DISC1: variants seen among roughly 807,000 people sequenced by gnomAD.
DISC1 encodes disrupted in schizophrenia 1 protein.
DISC1 carries 57 observed loss-of-function variants against 84.5 expected under a neutral mutation model. The observed-to-expected ratio is 0.67, with a 90% confidence interval of 0.55 to 0.84. The LOEUF is 0.84. Ranked by LOEUF, DISC1 falls within the 40% of genes least tolerant of loss-of-function variation. The probability of loss-of-function intolerance (pLI) is 0.00; values close to 1 mark genes in which losing one functional copy is unlikely to be tolerated. For missense variants in DISC1, 1,000 were observed against 1,057.8 expected (o/e 0.95, Z 0.76); for synonymous variants, 411 against 415.2 (o/e 0.99, Z 0.12).
At chr1:231,795,718 G>A (rs566858337) in intron 7 of DISC1, among the ~76,000 whole-genome samples, 11 of 152,196 alleles carry the variant, frequency 7.2e-5, no homozygotes, top group South Asian at 2.1e-4. Context: ...GTGAAACCCC[G>A]TCTCTCCTGA....
chr1:231,992,059 A>G (rs1463254109), intron 10 of DISC1, among the ~76,000 whole-genome samples: 3 of 152,172 alleles, frequency 2.0e-5, no homozygotes, highest in Non-Finnish European at 4.4e-5. Flanking sequence ...CTCATGCTGC[A>G]ATGATCATCC....
At chr1:232,000,418 A>G (rs1666537070) in intron 10 of DISC1, among the ~76,000 whole-genome samples, 1 of 152,196 alleles carries the variant, frequency 6.6e-6, no homozygotes, top group Non-Finnish European at 1.5e-5. Context: ...GAAACAATGG[A>G]CTGAAAAAAA....
intron 9 of DISC1, among the ~76,000 whole-genome samples, chr1:231,844,379 T>A (rs900582473): frequency 2.0e-5 from 3 of 152,156 alleles, no homozygotes; most frequent in African/African-American, 7.2e-5. Context: ...GGACAAGGTA[T>A]GGGGGTGGCG....
intron 9 of DISC1, among the ~76,000 whole-genome samples, chr1:231,942,948 C>G (rs1398573946): frequency 1.3e-5 from 2 of 152,164 alleles, no homozygotes; most frequent in African/African-American, 2.4e-5. Context: ...GAAATTCAGC[C>G]CCTTCATAAT....
chr1:231,707,812 C>T (rs1245534979), intron 3 of DISC1, among the ~76,000 whole-genome samples: 1 of 152,114 alleles, frequency 6.6e-6, no homozygotes, highest in Non-Finnish European at 1.5e-5. Context: ...GTTGAAATCT[C>T]CCAAAATTAA....
chr1:231,973,366 A>T (rs1275844753), intron 10 of DISC1, among the ~76,000 whole-genome samples: 1 of 152,156 alleles, frequency 6.6e-6, no homozygotes. Context: ...TGTTCTTTAA[A>T]GGAAGAATAA....
At chr1:231,785,341 G>A (rs2077769388) in intron 6 of DISC1, among the ~76,000 whole-genome samples, 1 of 151,548 alleles carries the variant, frequency 6.6e-6, no homozygotes, top group Admixed American at 6.6e-5. Flanking sequence ...GTGCAGTGGT[G>A]CGATCATAGC....
chr1:231,906,465 G>A (rs1234032958), intron 9 of DISC1, among the ~76,000 whole-genome samples: 3 of 152,144 alleles, frequency 2.0e-5, no homozygotes, highest in Non-Finnish European at 2.9e-5. Context: ...ATATCCCAGG[G>A]GGTGCTTTAT....
chr1:231,742,728 C>G (rs1267668958), intron 3 of DISC1, among the ~76,000 whole-genome samples: 2 of 151,838 alleles, frequency 1.3e-5, no homozygotes, highest in Non-Finnish European at 2.9e-5. Flanking sequence ...GGCAACATAA[C>G]AGGGCTCCTT....
chr1:231,778,802 C>T lies in DISC1; in HGVS notation c.1634+7732C>T, dbSNP rs147035441. The stretch of plus-strand genomic sequence containing the variant: ...GGACCCCCATTTCCAGTTTTCATTG[C>T]GTTGTAAATTAAAAATAAAATCTTA... On this transcript the variant is annotated intron_variant, in intron 6 of 12. Coordinates refer to ENST00000439617, the MANE Select transcript of DISC1 (RefSeq NM_018662.3). Among the ~76,000 whole-genome samples, 708 of 152,196 alleles carry T rather than the reference C, an allele frequency of 4.7e-3. 4 individuals are homozygous for T. Among genetic ancestry groups the T allele is most frequent in the African/African-American group, 0.016 (653 of 41,528 alleles).
At chr1:231,844,946 A>G (rs971611280) in intron 9 of DISC1, among the ~76,000 whole-genome samples, 101 of 151,918 alleles carry the variant, frequency 6.6e-4, no homozygotes, top group African/African-American at 2.2e-3. Flanking sequence ...AAAAAAAGAA[A>G]AAAAAGAAAA....
chr1:231,909,172 T>A (rs917700422), intron 9 of DISC1, among the ~76,000 whole-genome samples: 1 of 149,820 alleles, frequency 6.7e-6, no homozygotes, highest in Non-Finnish European at 1.5e-5. Flanking sequence ...TTCTTTCTCC[T>A]GCCTGATTGC....
chr1:231,808,974 A>G (rs1026449194), intron 8 of DISC1, among the ~76,000 whole-genome samples: 2 of 152,210 alleles, frequency 1.3e-5, no homozygotes, highest in Non-Finnish European at 2.9e-5. Flanking sequence ...CACTCCAGAT[A>G]GGAATGAAGC....
At chr1:231,738,755 A>G (rs1359910982) in intron 3 of DISC1, among the ~76,000 whole-genome samples, 2 of 152,166 alleles carry the variant, frequency 1.3e-5, no homozygotes, top group Non-Finnish European at 2.9e-5. Flanking sequence ...ATTCATTTCC[A>G]TTAGTCAGCA....
At chr1:231,830,813 T>C (rs1328328025) in intron 9 of DISC1, among the ~76,000 whole-genome samples, 4 of 152,206 alleles carry the variant, frequency 2.6e-5, no homozygotes, top group Non-Finnish European at 5.9e-5. Context: ...TATTGTCCAG[T>C]CCTTTTTAAG....
chr1:232,012,927 G>A (rs1474843560), intron 11 of DISC1, among the ~76,000 whole-genome samples: 3 of 152,150 alleles, frequency 2.0e-5, no homozygotes, highest in African/African-American at 7.2e-5. Flanking sequence ...CGAATTGTAA[G>A]AGCCCTTTTC....
intron 2 of DISC1, among the ~76,000 whole-genome samples, chr1:231,700,719 A>G (rs549882766): frequency 1.3e-5 from 2 of 152,336 alleles, no homozygotes; most frequent in East Asian, 3.9e-4. Flanking sequence ...CATCAACACA[A>G]TACAAACAGG....
intron 1 of DISC1, among the ~76,000 whole-genome samples, chr1:231,670,057 T>C (rs912795073): frequency 4.6e-5 from 7 of 152,060 alleles, no homozygotes; most frequent in African/African-American, 1.7e-4. Flanking sequence ...AAGAATGCGA[T>C]AGGGACCTGG....
At chr1:231,858,346 A>G (rs892462121) in intron 9 of DISC1, among the ~76,000 whole-genome samples, 3 of 152,168 alleles carry the variant, frequency 2.0e-5, no homozygotes, top group Non-Finnish European at 4.4e-5. Context: ...GGTAATTCCA[A>G]TGGTTAGTCA....
Sources: allele counts gnomAD v4.1 joint callset (sites outside exome capture counted in the v4.1 genomes callset), GRCh38; gene constraint gnomAD v4.1.1; transcripts MANE v1.5; gene names NCBI Gene and HGNC (gene_info 2026-07-23, HGNC 2026-07-21).